MACROD2: variants seen among roughly 807,000 people sequenced by gnomAD.
MACROD2 encodes the protein ADP-ribose glycohydrolase MACROD2.
In MACROD2, 36 loss-of-function variants were observed where a neutral mutation model predicts 70.4. That is an observed-to-expected ratio of 0.51 (90% confidence interval 0.39 to 0.68). The LOEUF (loss-of-function observed/expected upper bound fraction) is 0.68, where lower values mean the gene tolerates loss of function less well. MACROD2 is among the 30% of genes least tolerant of loss of function. MACROD2 has a pLI of 0.00. For missense variants in MACROD2, 496 were observed against 538.4 expected, an observed-to-expected ratio of 0.92 and a Z score of 0.78; for synonymous variants, 172 against 178.8, an observed-to-expected ratio of 0.96 and a Z score of 0.30.
At chr20:14,918,101 G>T (rs1007611157) in intron 5 of MACROD2, among the ~76,000 whole-genome samples, 1 of 152,012 alleles carries the variant, frequency 6.6e-6, no homozygotes, top group African/African-American at 2.4e-5. Context: ...AGCCTCACGA[G>T]TAGGTGGAAC....
At chr20:15,711,243 G>A (rs1003854806) in intron 8 of MACROD2, among the ~76,000 whole-genome samples, 3 of 152,252 alleles carry the variant, frequency 2.0e-5, no homozygotes, top group African/African-American at 4.8e-5. Context: ...CCAAAGCAGC[G>A]GACACTGGGT....
At chr20:15,163,907 T>G (rs1268560255) in intron 5 of MACROD2, among the ~76,000 whole-genome samples, 1 of 152,126 alleles carries the variant, frequency 6.6e-6, no homozygotes, top group African/African-American at 2.4e-5. Flanking sequence ...GCTGGGCAAT[T>G]CTTTAGGCAC....
intron 5 of MACROD2, among the ~76,000 whole-genome samples, chr20:14,688,346 A>C (rs1774184935): frequency 6.6e-6 from 1 of 152,188 alleles, no homozygotes; most frequent in Non-Finnish European, 1.5e-5. Context: ...TATGCTTGCT[A>C]AATTAATCTA....
chr20:14,420,144 T>TTATATATATATA (rs368804584), intron 3 of MACROD2, among the ~76,000 whole-genome samples: 51 of 148,294 alleles, frequency 3.4e-4, no homozygotes, highest in Middle Eastern at 6.9e-3. Context: ...TCTGTCCTAA[T>TTATATATATATA]TATATATATA....
chr20:14,456,528 T>G (rs564540190), intron 3 of MACROD2, among the ~76,000 whole-genome samples: 1 of 151,822 alleles, frequency 6.6e-6, no homozygotes, highest in Non-Finnish European at 1.5e-5. Context: ...ATAACAAAAT[T>G]TAGAATTCTG....
intron 4 of MACROD2, among the ~76,000 whole-genome samples, chr20:14,674,438 G>A (rs905145761): frequency 3.9e-5 from 6 of 152,060 alleles, no homozygotes; most frequent in African/African-American, 7.2e-5. Context: ...TACTTGCTGC[G>A]TGCCAGACAT....
At chr20:14,318,198 G>T (rs1455451994) in intron 3 of MACROD2, among the ~76,000 whole-genome samples, 1 of 152,014 alleles carries the variant, frequency 6.6e-6, no homozygotes, top group Non-Finnish European at 1.5e-5. Flanking sequence ...ATTCAACAGG[G>T]TATTACTTTG....
intron 6 of MACROD2, among the ~76,000 whole-genome samples, chr20:15,407,137 G>A (rs1197291667): frequency 6.6e-6 from 1 of 152,148 alleles, no homozygotes; most frequent in African/African-American, 2.4e-5. Context: ...GCCTACTCAG[G>A]GTGTTACTAC....
intron 5 of MACROD2, among the ~76,000 whole-genome samples, chr20:15,063,177 G>A (rs2075546498): frequency 1.3e-5 from 2 of 152,146 alleles, no homozygotes; most frequent in African/African-American, 4.8e-5. Context: ...ACCATGATAC[G>A]CTGGAGTAAA....
chr20:14,479,933 A>G (rs1481382916), intron 3 of MACROD2, among the ~76,000 whole-genome samples: 6 of 152,200 alleles, frequency 3.9e-5, no homozygotes, highest in Admixed American at 6.5e-5. Flanking sequence ...ATGGAGTTCA[A>G]TGGCGCAATC....
chr20:15,169,268 C>T (rs905637015), intron 5 of MACROD2, among the ~76,000 whole-genome samples: 4 of 152,092 alleles, frequency 2.6e-5, no homozygotes. Context: ...CTTTTCCCAA[C>T]TTTTTTAAGA....
intron 6 of MACROD2, among the ~76,000 whole-genome samples, chr20:15,355,805 A>G (rs2078280449): frequency 6.6e-6 from 1 of 152,212 alleles, no homozygotes. Flanking sequence ...TACCATTTAT[A>G]TTCTCTATTA....
intron 8 of MACROD2, among the ~76,000 whole-genome samples, chr20:15,574,533 C>T (rs2048418644): frequency 6.6e-6 from 1 of 152,120 alleles, no homozygotes; most frequent in Non-Finnish European, 1.5e-5. Flanking sequence ...AGAAAGTTAA[C>T]ACACCATGAA....
intron 13 of MACROD2, among the ~76,000 whole-genome samples, chr20:15,983,416 A>G (rs1222335846): frequency 6.6e-6 from 1 of 152,172 alleles, no homozygotes; most frequent in African/African-American, 2.4e-5. Flanking sequence ...GTCCACCACA[A>G]TACCACCACA....
At chr20:14,875,792 C>T (rs6135288) in intron 5 of MACROD2, among the ~76,000 whole-genome samples, 22,955 of 152,006 alleles carry the variant, frequency 0.15, 2,020 homozygotes, top group Non-Finnish European at 0.2. Context: ...TAGTTGCATC[C>T]ATGTTGCTAA....
At chr20:15,543,531 A>G (rs950074815) in intron 8 of MACROD2, among the ~76,000 whole-genome samples, 2 of 144,366 alleles carry the variant, frequency 1.4e-5, no homozygotes, top group African/African-American at 2.7e-5. Context: ...GAATGGTGAG[A>G]TGTTCTGCTA....
chr20:14,420,119 T>C (rs1399932263), intron 3 of MACROD2, among the ~76,000 whole-genome samples: 1 of 150,812 alleles, frequency 6.6e-6, no homozygotes, highest in Non-Finnish European at 1.5e-5. Flanking sequence ...TTTCTTACCA[T>C]AGGGCCCATT....
intron 5 of MACROD2, among the ~76,000 whole-genome samples, chr20:14,802,549 C>G (rs1209368674): frequency 6.6e-6 from 1 of 151,900 alleles, no homozygotes; most frequent in Non-Finnish European, 1.5e-5. Flanking sequence ...TTAGACATAT[C>G]TAGTGTACAT....
chr20:15,955,249 A>G lies in MACROD2; in HGVS notation c.908-12304A>G, dbSNP rs73234081. ...CCCAATTGACTTAAATGATGGATCC[A>G]TGACCCACTCATTAATTCGTTGCTG... On this transcript the variant is annotated intron_variant, in intron 12 of 17. Coordinates refer to ENST00000684519, the MANE Select transcript of MACROD2 (RefSeq NM_001351661.2). Among the ~76,000 whole-genome samples, 1,453 of 152,324 alleles carry G rather than the reference A, an allele frequency of 9.5e-3. 17 individuals are homozygous for G. Among genetic ancestry groups the G allele is most frequent in the African/African-American group, 0.026 (1,064 of 41,582 alleles).
Sources: gnomAD v4.1 joint callset for allele counts (sites outside exome capture counted in the v4.1 genomes callset) on GRCh38, gnomAD v4.1.1 for gene constraint, MANE v1.5 for transcripts, NCBI Gene and HGNC (gene_info 2026-07-23, HGNC 2026-07-21) for gene names.